Variants in IPO11 observed in about 807,000 individuals in gnomAD.
The protein encoded by IPO11 is importin-11.
In IPO11, 66 loss-of-function variants were observed where a neutral mutation model predicts 143.2. The observed-to-expected ratio is 0.46, with a 90% CI of 0.38 to 0.57. The LOEUF is 0.57. Ranked by LOEUF, IPO11 falls within the 20% of genes least tolerant of loss-of-function variation. The pLI is 0.00. For synonymous variants in IPO11, 385 were observed against 377.8 expected (o/e 1.02, Z -0.22); for missense variants, 1,026 against 1,141.0 (o/e 0.90, Z 1.45).
At chr5:62,567,851 C>T (rs1419934023) in intron 27 of IPO11, among the ~76,000 whole-genome samples, 3 of 151,416 alleles carry the variant, frequency 2.0e-5, no homozygotes, top group Non-Finnish European at 2.9e-5. Context: ...CGTGAGCCAC[C>T]GCACCCCGCT....
At chr5:62,501,921 T>C (rs958285689) in intron 16 of IPO11, among the ~76,000 whole-genome samples, 3 of 152,228 alleles carry the variant, frequency 2.0e-5, no homozygotes, top group African/African-American at 7.2e-5. Context: ...CATTTCTTTC[T>C]GGCCCCAACA....
At position 62,474,442 on chromosome 5, in the gene IPO11, T is replaced by A; in HGVS notation, c.735T>A (p.Arg245=). Residue 245 remains arginine, a synonymous_variant, in exon 8 of 30, where the codon CGT becomes CGA. Transcript: ENST00000325324. ...VMGFLHGIFE[R]LKQFLECSRS... Reference sequence around the variant, plus strand: ...GTTTTTTACATGGAATATTTGAACGTCTAAAACAGTTTCTGGAATGCAGTA... The same window carrying A: ...GTTTTTTACATGGAATATTTGAACGACTAAAACAGTTTCTGGAATGCAGTA... 1 of 1,576,508 alleles carries A rather than the reference T, an allele frequency of 6.3e-7. No individual in the cohort carries two copies. The highest frequency in any genetic ancestry group is 8.6e-7 in the Non-Finnish European group (1 of 1,164,844).
At chr5:62,590,882 A>G (rs1217056357) in intron 27 of IPO11, among the ~76,000 whole-genome samples, 1 of 151,862 alleles carries the variant, frequency 6.6e-6, no homozygotes, top group African/African-American at 2.4e-5. Context: ...TCTTTGGTGA[A>G]ATGTCTGTTC....
chr5:62,462,742 G>A (rs1231884848), intron 5 of IPO11, among the ~76,000 whole-genome samples: 3 of 152,004 alleles, frequency 2.0e-5, no homozygotes, highest in African/African-American at 7.2e-5. Flanking sequence ...AAAATATGTG[G>A]TTATGTAGGG....
Position 62,530,774 on chromosome 5 carries a change from C to T in IPO11, c.2078C>T (p.Ser693Leu). ...PELLRIFQNMSPLLELSSENL... is the reference protein window; with the variant it reads ...PELLRIFQNMLPLLELSSENL... ...TTGCTTCGTATATTTCAGAATATGT[C>T]ACCACTTCTTGGTATGTGTTAAAGC... is the stretch of plus-strand genomic sequence containing the variant. The change falls in exon 22 of 30, where the codon TCA becomes TTA. Residue 693 changes from serine to leucine, a missense_variant. Physicochemically the swap from Ser to Leu is moderately radical, Grantham distance 145. Coordinates refer to ENST00000325324, the MANE Select transcript of IPO11 (RefSeq NM_016338.5). The T allele has an allele frequency of 6.2e-7, 1 of 1,609,648 alleles. No homozygotes were observed. Among genetic ancestry groups the T allele is most frequent in the Admixed American group, 1.7e-5 (1 of 59,956 alleles).
intron 15 of IPO11, among the ~76,000 whole-genome samples, chr5:62,493,534 T>C (rs1741021191): frequency 6.6e-6 from 1 of 152,156 alleles, no homozygotes; most frequent in Non-Finnish European, 1.5e-5. Flanking sequence ...TCATTGTTAA[T>C]ATTTTGTACT....
chr5:62,544,557 G>C (rs1049653361), intron 24 of IPO11, among the ~76,000 whole-genome samples: 9 of 152,114 alleles, frequency 5.9e-5, no homozygotes, highest in East Asian at 1.9e-4. Context: ...GGGATACCCT[G>C]TCTCACCACT....
Position 62,437,381 on chromosome 5 carries a change from G to A in IPO11, c.102G>A (p.Gln34=), listed in dbSNP as rs1370914906. The A allele has an allele frequency of 1.2e-6, 2 of 1,612,074 alleles. No individual in the cohort carries two copies. The highest frequency in any genetic ancestry group is 1.7e-5 in the Admixed American group (1 of 59,806). ...AACCAGCTGAGGAGCAGTTGAAGCAGTGGGAGACACAGCCAGGTTTCTATT... is the reference window on the plus strand; with the variant it reads ...AACCAGCTGAGGAGCAGTTGAAGCAATGGGAGACACAGCCAGGTTTCTATT... ...VLKPAEEQLK[Q]WETQPGFYSV... The change falls in exon 2 of 30, where the codon CAG becomes CAA. Residue 34 remains glutamine (Q), a synonymous_variant. Transcript: ENST00000325324.
intron 5 of IPO11, among the ~76,000 whole-genome samples, chr5:62,452,787 CTGTCACCCAGGG>C (rs1341141839): frequency 4.1e-5 from 6 of 147,742 alleles, no homozygotes; most frequent in African/African-American, 1.6e-4. Context: ...GGGTTTTGTT[CTGTCACCCAGGG>C]TGTAGTACAG....
chr5:62,457,784 A>G (rs1745215193), intron 5 of IPO11, among the ~76,000 whole-genome samples: 1 of 152,184 alleles, frequency 6.6e-6, no homozygotes, highest in Admixed American at 6.5e-5. Flanking sequence ...AAATTTGAGA[A>G]TGCCAAGGCG....
intron 20 of IPO11, among the ~76,000 whole-genome samples, chr5:62,525,228 GT>G (rs1580283375): frequency 2.0e-5 from 3 of 152,132 alleles, no homozygotes; most frequent in East Asian, 3.9e-4. Context: ...ACATTTTTGT[GT>G]ATATCATATA....
chr5:62,613,298 C>CTTCT (rs1333365293), intron 29 of IPO11, among the ~76,000 whole-genome samples: 1 of 69,054 alleles, frequency 1.4e-5, no homozygotes, highest in East Asian at 4.6e-4. Context: ...ACATGCTCTT[C>CTTCT]TTTTTTTTTT....
intron 19 of IPO11, among the ~76,000 whole-genome samples, chr5:62,513,710 G>A (rs1741882158): frequency 6.7e-6 from 1 of 149,754 alleles, no homozygotes; most frequent in Non-Finnish European, 1.5e-5. Flanking sequence ...CCCCCGGACG[G>A]GGCGGCTGGC....
intron 1 of IPO11, among the ~76,000 whole-genome samples, chr5:62,424,099 GCCT>G (rs1000570891): frequency 6.7e-6 from 1 of 149,582 alleles, no homozygotes; most frequent in African/African-American, 2.5e-5. Context: ...GCTCACTGCA[GCCT>G]CAACCTCCTG....
chr5:62,424,026 A>AT (rs1225748592), intron 1 of IPO11, among the ~76,000 whole-genome samples: 4 of 150,962 alleles, frequency 2.6e-5, no homozygotes, highest in Non-Finnish European at 1.5e-5. Flanking sequence ...ATAGATCATG[A>AT]TTTTTTTTCT....
rs570798731 is a variant in IPO11 at position 62,427,913 on chromosome 5, T to C, written c.-6-9361T>C. On this transcript the variant is annotated intron_variant, in intron 1 of 29. Transcript: ENST00000325324. ...TATATGGAAGCATCTTTAGTCAATCTGTTTGAGGTATTAATAACGTATAGT... is the reference window on the plus strand; with the variant it reads ...TATATGGAAGCATCTTTAGTCAATCCGTTTGAGGTATTAATAACGTATAGT... Among the ~76,000 whole-genome samples, 3 of 152,366 alleles carry C rather than the reference T, an allele frequency of 2.0e-5. No homozygotes were observed. In the East Asian group the frequency reaches 5.8e-4, roughly 29 times the overall value.
At chr5:62,606,364 C>T (rs1037370041) in intron 29 of IPO11, among the ~76,000 whole-genome samples, 1 of 150,948 alleles carries the variant, frequency 6.6e-6, no homozygotes, top group African/African-American at 2.4e-5. Flanking sequence ...TCTGTAGTCC[C>T]AGCTACTTGG....
chr5:62,624,432 C>G (rs1361853473), intron 29 of IPO11, among the ~76,000 whole-genome samples: 1 of 151,950 alleles, frequency 6.6e-6, no homozygotes, highest in Non-Finnish European at 1.5e-5. Flanking sequence ...CGTCATGGTG[C>G]TGGTGGGATT....
chr5:62,441,496 CTTTTTTTTTT>C (rs995019567), intron 2 of IPO11, among the ~76,000 whole-genome samples: 123 of 47,362 alleles, frequency 2.6e-3, no homozygotes, highest in African/African-American at 0.011. Flanking sequence ...TGTGCCTGGC[CTTTTTTTTTT>C]TTTTTTTTTT....
Sources: allele counts gnomAD v4.1 joint callset (sites outside exome capture counted in the v4.1 genomes callset), GRCh38; gene constraint gnomAD v4.1.1; transcripts MANE v1.5; gene names NCBI Gene and HGNC (gene_info 2026-07-23, HGNC 2026-07-21).